The following PRPF3 variants were observed in gnomAD, a reference collection of about 807,000 sequenced individuals.
The protein encoded by PRPF3 is pre-mRNA processing factor 3, also known as U4/U6 small nuclear ribonucleoprotein Prp3.
A neutral mutation model predicts 89.2 loss-of-function variants in PRPF3; 3 were observed. That is an observed-to-expected ratio of 0.03 (90% CI 0.02 to 0.09). The LOEUF is 0.09. PRPF3 is among the 10% of genes least tolerant of loss of function. The pLI, the probability that PRPF3 is intolerant of heterozygous loss-of-function variation, is 1.00. For synonymous variants in PRPF3, 270 were observed against 289.1 expected, an observed-to-expected ratio of 0.93 and a Z score of 0.67; for missense variants, 463 against 828.8, an observed-to-expected ratio of 0.56 and a Z score of 5.42.
rs587673694 is a variant in PRPF3 at position 150,332,773 on chromosome 1, G to A, written c.507+6G>A. The A allele has an allele frequency of 6.2e-7, 1 of 1,613,538 alleles. No individual in the cohort carries two copies. The highest frequency in any genetic ancestry group is 2.2e-5 in the East Asian group (1 of 44,874). On this transcript the variant is annotated splice_donor_region_variant and intron_variant, in intron 5 of 15. Transcript: ENST00000324862. Reference sequence around the variant, plus strand: ...TTAGCCCCCCTACACCTCAGGTATTGTGTCTAGATTACTCTGAACAGAATA... The same window carrying A: ...TTAGCCCCCCTACACCTCAGGTATTATGTCTAGATTACTCTGAACAGAATA...
In PRPF3 at chr1:150,328,197, A is replaced by C. The variant is rs587687493; in HGVS notation, c.277-123A>C. 35 of 1,156,940 alleles carry C rather than the reference A, an allele frequency of 3.0e-5. No homozygotes were observed. In the South Asian group the frequency reaches 4.1e-4, roughly 14 times the overall value. The allele number at this position is 1,156,940 out of a possible 1,614,324, so 71.7% of individuals were successfully genotyped here. ...TAGACCCTGCTTCTGGCAGGTGGCT[A>C]TTTGCAAGGTTGTGTCATATTCCCC... is the stretch of plus-strand genomic sequence containing the variant. On this transcript the variant is annotated intron_variant, in intron 3 of 15. Transcript: ENST00000324862.
At chr1:150,345,431 A>T (rs1410822328) in intron 12 of PRPF3, 1 of 154,714 alleles carries the variant, frequency 6.5e-6, no homozygotes, top group Non-Finnish European at 1.4e-5. Flanking sequence ...GCGCACTGCA[A>T]CCTCTGCCTC....
At chr1:150,325,204 A>C in intron 2 of PRPF3, 117 bp downstream of exon 2, 1 of 1,207,688 alleles carries the variant, frequency 8.3e-7, no homozygotes, top group Non-Finnish European at 1.2e-6. Context: ...GCCATATTTT[A>C]TTTTCACCTG....
chr1:150,343,247 A>AT (rs1560112115), intron 9 of PRPF3, 62 bp from the exon 10 acceptor site: 770 of 247,538 alleles, frequency 3.1e-3, no homozygotes, highest in Middle Eastern at 0.027. Flanking sequence ...GAAAAAAAAA[A>AT]AATATATATA....
chr1:150,346,745 C>T (rs1393773675), intron 14 of PRPF3, among the ~76,000 whole-genome samples: 1 of 152,124 alleles, frequency 6.6e-6, no homozygotes, highest in Non-Finnish European at 1.5e-5. Flanking sequence ...GTTTCTGTGT[C>T]TGTCCTGGAT....
At chr1:150,343,228 T>A in intron 9 of PRPF3, 81 bp from the exon 10 acceptor site, 1 of 799,510 alleles carries the variant, frequency 1.3e-6, no homozygotes, top group South Asian at 3.8e-5. Context: ...GGTGACAGAG[T>A]GAGAGAGAGA....
At chr1:150,342,271 T>C (rs1657829851) in intron 9 of PRPF3, among the ~76,000 whole-genome samples, 1 of 151,548 alleles carries the variant, frequency 6.6e-6, no homozygotes, top group Non-Finnish European at 1.5e-5. Flanking sequence ...TCCCAGCTAC[T>C]CAGGAGGCTG....
At chr1:150,324,109 TTAATATC>T (rs1433903805) in intron 1 of PRPF3, among the ~76,000 whole-genome samples, 1 of 152,082 alleles carries the variant, frequency 6.6e-6, no homozygotes, top group Non-Finnish European at 1.5e-5. Flanking sequence ...GAGATTTAAT[TTAATATC>T]TAAGATGACT....
intron 8 of PRPF3, among the ~76,000 whole-genome samples, chr1:150,339,476 G>C (rs1462491249): frequency 7.0e-6 from 1 of 142,828 alleles, no homozygotes; most frequent in East Asian, 2.0e-4. Flanking sequence ...CGCTCTTGTT[G>C]CCCAGGCTGG....
At chr1:150,346,261 C>A in intron 13 of PRPF3, 125 bp downstream of exon 13, 1 of 1,225,264 alleles carries the variant, frequency 8.2e-7, no homozygotes, top group Non-Finnish European at 1.2e-6. Flanking sequence ...TATGCTAGGT[C>A]TCTGCTTCTG....
chr1:150,332,471 T>C (rs1307820328), intron 4 of PRPF3, among the ~76,000 whole-genome samples: 10 of 152,192 alleles, frequency 6.6e-5, no homozygotes, highest in Non-Finnish European at 1.2e-4. Flanking sequence ...TACTACCTAA[T>C]ATGCTAATCT....
At chr1:150,338,816 A>G (rs1206010630) in intron 8 of PRPF3, among the ~76,000 whole-genome samples, 2 of 152,002 alleles carry the variant, frequency 1.3e-5, no homozygotes, top group African/African-American at 2.4e-5. Context: ...CACCTGGCCA[A>G]GCTCCTGCAT....
chr1:150,349,225 G>C lies in PRPF3; in HGVS notation c.1905+7G>C. ...ATGTGTACTAGTCTGGGAGGTAGGTGATCCTTTGTAAAACATTGTAAAACT... is the reference window on the plus strand; with the variant it reads ...ATGTGTACTAGTCTGGGAGGTAGGTCATCCTTTGTAAAACATTGTAAAACT... On this transcript the variant is annotated splice_region_variant and intron_variant, in intron 15 of 15. Coordinates refer to ENST00000324862, the MANE Select transcript of PRPF3 (RefSeq NM_004698.4). The C allele has an allele frequency of 6.2e-7, 1 of 1,611,184 alleles. No homozygotes were observed. Among genetic ancestry groups the C allele is most frequent in the Non-Finnish European group, 8.5e-7 (1 of 1,177,572 alleles).
chr1:150,328,271 C>G (rs1553864348), intron 3 of PRPF3, 49 bp from the exon 4 acceptor site: 3 of 1,607,432 alleles, frequency 1.9e-6, no homozygotes, highest in African/African-American at 2.7e-5. Context: ...TTCTTCCCTT[C>G]TCCCCACGGG....
intron 3 of PRPF3, chr1:150,327,506 T>TC: frequency 1.1e-6 from 1 of 937,712 alleles, no homozygotes; most frequent in South Asian, 4.9e-5. Flanking sequence ...TCCATTCAGG[T>TC]CCCCACCCCA....
At chr1:150,341,501 G>A (rs1308339558) in intron 9 of PRPF3, among the ~76,000 whole-genome samples, 1 of 150,620 alleles carries the variant, frequency 6.6e-6, no homozygotes, top group African/African-American at 2.4e-5. Context: ...TGCCTCCTGG[G>A]TTCAAGCAAT....
chr1:150,333,176 C>G lies in PRPF3; in HGVS notation c.705C>G (p.Leu235=), dbSNP rs781897722. ...GNANMVGLAN[L]HAMGIAPPKV... ...CCAACATGGTGGGCCTGGCTAATCT[C>G]CATGCCATGGGCATTGCTCCCCCGT... Residue 235 remains leucine, a synonymous_variant, in exon 6 of 16, where the codon CTC becomes CTG. Transcript: ENST00000324862. 1.1e-5 allele frequency: 18 copies of G among 1,614,218 alleles called. No homozygotes were observed. The highest frequency in any genetic ancestry group is 1.5e-5 in the Non-Finnish European group (18 of 1,180,042).
At chr1:150,339,336 C>G (rs1657407357) in intron 8 of PRPF3, among the ~76,000 whole-genome samples, 1 of 151,158 alleles carries the variant, frequency 6.6e-6, no homozygotes. Flanking sequence ...TGATCATGAC[C>G]ACTGCACTCT....
At chr1:150,323,453 T>C (rs782604378) in intron 1 of PRPF3, among the ~76,000 whole-genome samples, 3 of 151,822 alleles carry the variant, frequency 2.0e-5, no homozygotes, top group African/African-American at 4.8e-5. Flanking sequence ...CTGGCCGATA[T>C]GGTGAAACCG....
Sources: allele counts gnomAD v4.1 joint callset (sites outside exome capture counted in the v4.1 genomes callset), GRCh38; gene constraint gnomAD v4.1.1; transcripts MANE v1.5; gene names NCBI Gene and HGNC (gene_info 2026-07-23, HGNC 2026-07-21).